CYREN: variants seen among roughly 807,000 people sequenced by gnomAD.
The protein encoded by CYREN is cell cycle regulator of NHEJ.
In CYREN, 7 loss-of-function variants were observed where a neutral mutation model predicts 9.7. The ratio of observed to expected loss-of-function variants is 0.72; its 90% CI spans 0.41 to 1.36. CYREN has a LOEUF of 1.36. CYREN is among the 40% of genes most tolerant of loss of function. The pLI, the probability that CYREN is intolerant of heterozygous loss-of-function variation, is 0.01. For synonymous variants in CYREN, 76 were observed against 77.9 expected, an observed-to-expected ratio of 0.98 and a Z score of 0.13; for missense variants, 215 against 198.1, an observed-to-expected ratio of 1.09 and a Z score of -0.51.
In CYREN at chr7:135,151,257, G is replaced by A. The variant is rs1829659438; in HGVS notation, n.356+17492C>T. 1.3e-5 allele frequency among the ~76,000 whole-genome samples: 2 copies of A among 152,208 alleles called. No homozygotes were observed. Among genetic ancestry groups the A allele is most frequent in the Admixed American group, 6.5e-5 (1 of 15,274 alleles). On this transcript the variant is annotated intron_variant and non_coding_transcript_variant, in intron 2 of 2. Coordinates refer to the CYREN transcript ENST00000459937. This position sits in a 1 kb window ranked among gnomAD's most constrained non-coding sequence, Gnocchi z 4.3. ...GAGCTGCCACCACCTACACACTGTTGAAAAACACTGCAGTAGCCCTGTTTT... is the reference window on the plus strand; with the variant it reads ...GAGCTGCCACCACCTACACACTGTTAAAAAACACTGCAGTAGCCCTGTTTT...
At chr7:135,147,356 A>C (rs1339099486) in intron 2 of CYREN, among the ~76,000 whole-genome samples, 1 of 152,140 alleles carries the variant, frequency 6.6e-6, no homozygotes, top group Non-Finnish European at 1.5e-5. Context: ...CTTTGGAGGA[A>C]GGGCAAGGAA....
At chr7:135,150,538 C>T (rs1051182795) in intron 2 of CYREN, among the ~76,000 whole-genome samples, 1 of 152,150 alleles carries the variant, frequency 6.6e-6, no homozygotes, top group Non-Finnish European at 1.5e-5. Flanking sequence ...GAAATGCTGA[C>T]CCCACGAGTC....
At chr7:135,161,557 C>T (rs1829938799), downstream of CYREN, among the ~76,000 whole-genome samples, 1 of 152,178 alleles carries the variant, frequency 6.6e-6, no homozygotes, top group African/African-American at 2.4e-5. This position sits in a 1 kb window ranked among gnomAD's most constrained non-coding sequence, Gnocchi z 4.1. Flanking sequence ...TAGGCTTTTA[C>T]AAACATTTAC....
chr7:135,165,151 G>A (rs1830061377), downstream of CYREN: 2 of 787,188 alleles, frequency 2.5e-6, no homozygotes, highest in African/African-American at 3.5e-5. Context: ...AGAGGCCGAG[G>A]GGCAGCAAGG....
At chr7:135,115,825 C>T (rs959297609) in intron 2 of CYREN, 4 of 479,706 alleles carry the variant, frequency 8.3e-6, no homozygotes, top group African/African-American at 5.9e-5. Context: ...TGATTATTTG[C>T]ATGAAACTAC....
Position 135,166,427 on chromosome 7 carries a change from G to T in CYREN, c.*184C>A. The T allele has an allele frequency of 1.2e-6, 1 of 863,198 alleles. No homozygotes were observed. Among genetic ancestry groups the T allele is most frequent in the Non-Finnish European group, 1.7e-6 (1 of 591,422 alleles). The allele number at this position is 863,198 out of a possible 1,614,324, so 53.5% of individuals were successfully genotyped here. A position where few individuals can be genotyped will look rare whatever the true frequency, so the allele number is the denominator to read the frequency against. On this transcript the variant is annotated 3_prime_UTR_variant, in exon 4 of 4. Coordinates refer to ENST00000393114, the MANE Select transcript of CYREN (RefSeq NM_024033.4). ...TCCTGCCTTCCGCACACTCAGAACG[G>T]CAGCCCCAAGGCCCGGAGTGTCCAG...
chr7:135,104,548 A>G (rs980621934), intron 2 of CYREN, among the ~76,000 whole-genome samples: 1 of 152,142 alleles, frequency 6.6e-6, no homozygotes, highest in Non-Finnish European at 1.5e-5. Flanking sequence ...TCCCACCAAC[A>G]GTGTATAAGA....
At chr7:135,171,632 G>A (rs1307058764), upstream of CYREN, among the ~76,000 whole-genome samples, 4 of 152,126 alleles carry the variant, frequency 2.6e-5, no homozygotes, top group Non-Finnish European at 4.4e-5. Context: ...TTGTGCACTC[G>A]GGGAGCTCGG....
chr7:135,094,156 ACTTACTATTTAAACAGATAATAAGGGGC>A (rs1345559973), exon 3 of CYREN: 3 of 328,232 alleles, frequency 9.1e-6, no homozygotes, highest in Non-Finnish European at 1.8e-5. Context: ...GAAAATATAG[ACTTACTATTTAAACAGATAATAAGGGGC>A]CTTCTCGTTT....
At chr7:135,140,753 G>C (rs918340018) in intron 2 of CYREN, among the ~76,000 whole-genome samples, 2 of 152,032 alleles carry the variant, frequency 1.3e-5, no homozygotes, top group African/African-American at 4.8e-5. Flanking sequence ...CTAGTTTGTT[G>C]AGAGTTTTTA....
upstream of CYREN, among the ~76,000 whole-genome samples, chr7:135,171,066 G>T (rs1830629983): frequency 6.6e-6 from 1 of 152,148 alleles, no homozygotes; most frequent in South Asian, 2.1e-4. Context: ...GCTGGGCCAG[G>T]CCCCCCTCGT....
intron 2 of CYREN, among the ~76,000 whole-genome samples, chr7:135,120,994 G>A (rs535349299): frequency 2.0e-5 from 3 of 152,152 alleles, no homozygotes; most frequent in Admixed American, 6.5e-5. Context: ...ACCTGAGGTC[G>A]GGAGTTTGAG....
chr7:135,154,577 TTTTAA>T (rs1372217287), intron 2 of CYREN, among the ~76,000 whole-genome samples: 2 of 152,206 alleles, frequency 1.3e-5, no homozygotes, highest in Non-Finnish European at 2.9e-5. Context: ...TCAAAGATGT[TTTTAA>T]TTTGTCTTAA....
intron 2 of CYREN, among the ~76,000 whole-genome samples, chr7:135,118,234 T>C (rs138246175): frequency 0.011 from 1,656 of 152,342 alleles, 25 homozygotes; most frequent in African/African-American, 0.036. Context: ...AATACCTCAC[T>C]ATTTGTCTGT....
intron 3 of CYREN, 148 bp from the exon 4 acceptor site, chr7:135,167,019 C>T: frequency 6.9e-7 from 1 of 1,455,388 alleles, no homozygotes; most frequent in Non-Finnish European, 9.0e-7. Flanking sequence ...AGCACCCACC[C>T]TCTCTTCACC....
At chr7:135,159,105 T>TC (rs1388004844) in intron 2 of CYREN, among the ~76,000 whole-genome samples, 1 of 152,224 alleles carries the variant, frequency 6.6e-6, no homozygotes, top group East Asian at 1.9e-4. Context: ...CTCCCGACTC[T>TC]CAGTCGGTTC....
chr7:135,097,347 C>T (rs1047214112), intron 2 of CYREN, among the ~76,000 whole-genome samples: 9 of 152,142 alleles, frequency 5.9e-5, no homozygotes, highest in South Asian at 2.1e-4. Context: ...GAAAAAATCC[C>T]CATGGCTTTT....
chr7:135,114,552 A>G (rs1826057248), intron 2 of CYREN, among the ~76,000 whole-genome samples: 1 of 152,092 alleles, frequency 6.6e-6, no homozygotes, highest in African/African-American at 2.4e-5. Flanking sequence ...TCCTCAAACT[A>G]GAAGCTTTGG....
chr7:135,143,312 T>A (rs1189973622), intron 2 of CYREN, among the ~76,000 whole-genome samples: 1 of 152,132 alleles, frequency 6.6e-6, no homozygotes, highest in Non-Finnish European at 1.5e-5. Context: ...AAGATCCACA[T>A]AAATATAGTC....
Sources: gnomAD v4.1 joint callset for allele counts (sites outside exome capture counted in the v4.1 genomes callset) on GRCh38, gnomAD v4.1.1 for gene constraint, Gnocchi (gnomAD v3.1) non-coding constraint, MANE v1.5 for transcripts, NCBI Gene and HGNC (gene_info 2026-07-23, HGNC 2026-07-21) for gene names.